Variants in UTRN observed in about 807,000 individuals in gnomAD.
UTRN encodes utrophin.
A neutral mutation model predicts 463.9 loss-of-function variants in UTRN; 283 were observed. The observed-to-expected ratio is 0.61, with a 90% CI of 0.55 to 0.67. The LOEUF (loss-of-function observed/expected upper bound fraction) is 0.67, where lower values mean the gene tolerates loss of function less well. Ranked by LOEUF, UTRN falls within the 30% of genes least tolerant of loss-of-function variation. The pLI, the probability that UTRN is intolerant of heterozygous loss-of-function variation, is 0.00. For synonymous variants in UTRN, 1,442 were observed against 1,431.5 expected (o/e 1.01, Z -0.17); for missense variants, 3,922 against 4,084.3 (o/e 0.96, Z 1.08).
intron 3 of UTRN, among the ~76,000 whole-genome samples, chr6:144,411,294 A>G (rs1472268121): frequency 1.3e-5 from 2 of 152,030 alleles, no homozygotes; most frequent in Non-Finnish European, 2.9e-5. Context: ...TTTGATTTGC[A>G]TTTCCCTGAT....
intron 2 of UTRN, among the ~76,000 whole-genome samples, chr6:144,347,555 G>A (rs1777689015): frequency 6.6e-6 from 1 of 152,196 alleles, no homozygotes; most frequent in South Asian, 2.1e-4. Flanking sequence ...GGTCTTTGCT[G>A]ATGTAGGAGA....
At chr6:144,522,706 C>T (rs1445923177) in intron 40 of UTRN, among the ~76,000 whole-genome samples, 1 of 152,112 alleles carries the variant, frequency 6.6e-6, no homozygotes, top group Admixed American at 6.6e-5. Context: ...GAAAATATCA[C>T]TATTTCCAGC....
Position 144,378,835 on chromosome 6 carries a change from C to T in UTRN, c.80-24288C>T, listed in dbSNP as rs151163172. On this transcript the variant is annotated intron_variant, in intron 2 of 74. Coordinates refer to ENST00000367545, the MANE Select transcript of UTRN (RefSeq NM_007124.3). ...GCTTTAGGCTGGAGGCAAGAGATGA[C>T]AGTAGCTTGGACTGGGGGTTGACAG... Among the ~76,000 whole-genome samples the T allele has an allele frequency of 8.2e-3, 1,249 of 152,290 alleles. 11 individuals are homozygous for T. Among genetic ancestry groups the T allele is most frequent in the Non-Finnish European group, 0.014 (924 of 68,030 alleles).
intron 65 of UTRN, among the ~76,000 whole-genome samples, chr6:144,806,515 TA>T (rs573213055): frequency 8.5e-5 from 13 of 152,180 alleles, no homozygotes; most frequent in Non-Finnish European, 1.6e-4. Flanking sequence ...ATTGAATCTT[TA>T]AAAAGATACT....
At chr6:144,294,274 G>A (rs745794690) in intron 2 of UTRN, among the ~76,000 whole-genome samples, 17 of 152,046 alleles carry the variant, frequency 1.1e-4, no homozygotes, top group African/African-American at 3.1e-4. Context: ...GCTGAATTAT[G>A]TTGCAAAAGC....
intron 46 of UTRN, 145 bp downstream of exon 46, chr6:144,543,015 C>A: frequency 1.4e-6 from 1 of 731,108 alleles, no homozygotes; most frequent in Non-Finnish European, 2.2e-6. Flanking sequence ...TTGGAAAGAA[C>A]ATCTTCTTTA....
At chr6:144,346,984 G>C (rs1777641218) in intron 2 of UTRN, among the ~76,000 whole-genome samples, 1 of 151,972 alleles carries the variant, frequency 6.6e-6, no homozygotes, top group Non-Finnish European at 1.5e-5. Flanking sequence ...ATATAACTGA[G>C]ATAAACCAAA....
chr6:144,702,276 A>G (rs572339103), intron 53 of UTRN, among the ~76,000 whole-genome samples: 4 of 152,304 alleles, frequency 2.6e-5, no homozygotes, highest in African/African-American at 9.6e-5. Context: ...CCAGCAAGGT[A>G]ACCTGGATTT....
Position 144,516,223 on chromosome 6 carries a change from C to T in UTRN, c.5245-6C>T, listed in dbSNP as rs772665960. On this transcript the variant is annotated splice_region_variant and splice_polypyrimidine_tract_variant and intron_variant, in intron 37 of 74. Coordinates refer to ENST00000367545, the MANE Select transcript of UTRN (RefSeq NM_007124.3). ...CTATTTTCAGAGAATTCTTTTCCTT[C>T]TACAGTTGCTAATTGCTCAGGAACC... 4 of 1,610,144 alleles carry T rather than the reference C, an allele frequency of 2.5e-6. No homozygotes were observed. The highest frequency in any genetic ancestry group is 3.4e-6 in the Non-Finnish European group (4 of 1,179,058).
chr6:144,701,191 G>A (rs755555753), intron 53 of UTRN, among the ~76,000 whole-genome samples: 4 of 152,238 alleles, frequency 2.6e-5, no homozygotes, highest in Middle Eastern at 3.4e-3. Flanking sequence ...ACAGGCATGA[G>A]CCACCTTACC....
Position 144,453,874 on chromosome 6 carries a change from G to A in UTRN, c.2284+5G>A, listed in dbSNP as rs1206219338. On this transcript the variant is annotated splice_donor_5th_base_variant and intron_variant, in intron 19 of 74. Transcript: ENST00000367545. ...TTGTGGAGCAAATGGGAAAAGGTAA[G>A]ATCCTTGATTTTTTTCCCCTATATT... The A allele has an allele frequency of 3.7e-6, 6 of 1,610,950 alleles. No individual in the cohort carries two copies. The highest frequency in any genetic ancestry group is 3.4e-6 in the Non-Finnish European group (4 of 1,177,970).
chr6:144,394,437 C>T (rs918184253), intron 2 of UTRN, among the ~76,000 whole-genome samples: 1 of 152,154 alleles, frequency 6.6e-6, no homozygotes, highest in Non-Finnish European at 1.5e-5. Flanking sequence ...GGTAAACCAC[C>T]TCCATGATTT....
At chr6:144,503,279 T>A (rs1258797669) in intron 34 of UTRN, among the ~76,000 whole-genome samples, 1 of 152,244 alleles carries the variant, frequency 6.6e-6, no homozygotes, top group Admixed American at 6.5e-5. Context: ...CAATTTTGGC[T>A]TTTGTTGCCG....
rs1228642495 is a variant in UTRN at position 144,458,928 on chromosome 6, A to G, written c.2443A>G (p.Lys815Glu). 1.1e-5 allele frequency: 17 copies of G among 1,613,856 alleles called. No individual in the cohort carries two copies. The highest frequency in any genetic ancestry group is 3.3e-4 in the Middle Eastern group (2 of 6,082). ...GCTTGATGAGCTTGAAAAGGTCATC[A>G]AGACAAAGGAGGAGTGGGTAAAACA... ...KQLDELEKVI[K>E]TKEEWVKHTS... is the part of the protein sequence containing the mutation. The change falls in exon 20 of 75, where the codon AAG (lysine) becomes GAG (glutamate). Residue 815 changes from lysine (K) to glutamate (E), a missense_variant. By Grantham distance (56) the Lys-to-Glu change is moderately conservative (BLOSUM62 1). Around this residue, in one of 3 missense-constraint regions of UTRN, gnomAD observed 2,349 missense variants for 2,303.8 expected, o/e 1.02. Transcript: ENST00000367545.
intron 2 of UTRN, among the ~76,000 whole-genome samples, chr6:144,379,516 T>G (rs968671154): frequency 6.6e-6 from 1 of 152,174 alleles, no homozygotes; most frequent in Non-Finnish European, 1.5e-5. Context: ...GGTGCTTGAG[T>G]GTCTTCATGA....
intron 2 of UTRN, among the ~76,000 whole-genome samples, chr6:144,364,374 G>T (rs889529592): frequency 6.6e-6 from 1 of 152,154 alleles, no homozygotes; most frequent in African/African-American, 2.4e-5. Flanking sequence ...AGAGGTAAAA[G>T]GAGTGATTTG....
intron 42 of UTRN, among the ~76,000 whole-genome samples, chr6:144,531,865 C>T (rs1023066221): frequency 1.3e-5 from 2 of 152,102 alleles, no homozygotes; most frequent in Non-Finnish European, 2.9e-5. Context: ...TGGCCGGGCG[C>T]GGTGCCTCAC....
chr6:144,522,968 T>A lies in UTRN; in HGVS notation c.5734-48T>A, dbSNP rs757717925. On this transcript the variant is annotated intron_variant, in intron 40 of 74. Coordinates refer to ENST00000367545, the MANE Select transcript of UTRN (RefSeq NM_007124.3). The stretch of plus-strand genomic sequence containing the variant: ...ATATCTGGTCATCTGTGATTCCTTT[T>A]TTTGTTACTTTGCTGGATTTTGTTA... 4 of 1,400,342 alleles carry A rather than the reference T, an allele frequency of 2.9e-6. No homozygotes were observed. The East Asian group carries it at 9.7e-5, about 34-fold the overall frequency. 86.7% of individuals were successfully genotyped at this position (1,400,342 alleles called of 1,614,324 possible).
chr6:144,426,133 T>TG (rs1300173410), intron 6 of UTRN, among the ~76,000 whole-genome samples, 154 bp from the exon 7 acceptor site: 2 of 152,226 alleles, frequency 1.3e-5, no homozygotes, highest in African/African-American at 4.8e-5. Context: ...ATTGCTCTAG[T>TG]GTCTACAGAA....
Sources: allele counts gnomAD v4.1 joint callset (sites outside exome capture counted in the v4.1 genomes callset), GRCh38; gene constraint gnomAD v4.1.1; regional missense constraint gnomAD v4.1.1; transcripts MANE v1.5; gene names NCBI Gene and HGNC (gene_info 2026-07-23, HGNC 2026-07-21).